Variants in VASH2 observed in about 807,000 individuals in gnomAD.
VASH2 encodes the protein tubulinyl-Tyr carboxypeptidase 2.
In VASH2, 28 loss-of-function variants were observed where a neutral mutation model predicts 37.2. That is an observed-to-expected ratio of 0.75 (90% confidence interval 0.56 to 1.03). The LOEUF is 1.03. Ranked by LOEUF, VASH2 falls within the 50% of genes least tolerant of loss-of-function variation. The probability of loss-of-function intolerance (pLI) is 0.00; values close to 1 mark genes in which losing one functional copy is unlikely to be tolerated. For synonymous variants in VASH2, 188 were observed against 174.7 expected (o/e 1.08, Z -0.60); for missense variants, 419 against 459.1 (o/e 0.91, Z 0.80).
chr1:212,958,537 T>A (rs954268847), intron 2 of VASH2, among the ~76,000 whole-genome samples: 1 of 152,146 alleles, frequency 6.6e-6, no homozygotes, highest in Non-Finnish European at 1.5e-5. Context: ...TTGAAATAAT[T>A]TGGTGGTCAG....
At chr1:212,953,699 G>A (rs1666394073) in intron 2 of VASH2, among the ~76,000 whole-genome samples, 1 of 152,076 alleles carries the variant, frequency 6.6e-6, no homozygotes. Flanking sequence ...TCTATAAAAT[G>A]GGAATAGACC....
rs1402176238 is a variant in VASH2 at position 212,951,467 on chromosome 1, G to T, written c.-76G>T. 1.1e-6 allele frequency: 1 copy of T among 930,352 alleles called. No homozygotes were observed. The highest frequency in any genetic ancestry group is 1.3e-6 in the Non-Finnish European group (1 of 758,162). 57.6% of individuals were successfully genotyped at this position (930,352 alleles called of 1,614,324 possible). ...GCTGATCCCCTCGCCGCGCCCGCGC[G>T]CACACGCCCCCCGCCGCCGCCGCCG... On this transcript the variant is annotated 5_prime_UTR_variant, in exon 2 of 8. Transcript: ENST00000517399. This position sits in a 1 kb window ranked among gnomAD's most constrained non-coding sequence, Gnocchi z 4.4.
At chr1:212,979,796 A>G (rs1191755404) in intron 7 of VASH2, among the ~76,000 whole-genome samples, 1 of 152,170 alleles carries the variant, frequency 6.6e-6, no homozygotes, top group Non-Finnish European at 1.5e-5. Context: ...GAGTGTGTAA[A>G]GCACCTACTA....
chr1:212,959,954 G>A lies in VASH2; in HGVS notation c.277-1212G>A, dbSNP rs1666621879. The stretch of plus-strand genomic sequence containing the variant: ...TCTCCTTCCCAGCAGCAGCACTGCC[G>A]GAGCCCCACCCACGTGGGCTGAGAT... On this transcript the variant is annotated intron_variant, in intron 2 of 7. Transcript: ENST00000517399. 1.3e-5 allele frequency among the ~76,000 whole-genome samples: 2 copies of A among 152,314 alleles called. 1 individual carries two copies. Among genetic ancestry groups the A allele is most frequent in the South Asian group, 4.1e-4 (2 of 4,824 alleles).
At chr1:212,954,541 C>T (rs1280857812) in intron 2 of VASH2, among the ~76,000 whole-genome samples, 2 of 152,274 alleles carry the variant, frequency 1.3e-5, no homozygotes, top group South Asian at 2.1e-4. Context: ...CTGCCTCAGC[C>T]TCCTGAGTAG....
At position 212,950,657 on chromosome 1, in the gene VASH2, C is replaced by G. The variant is rs1029730758; in HGVS notation, c.-288C>G. 6.3e-6 allele frequency: 1 copy of G among 157,676 alleles called. No individual in the cohort carries two copies. The highest frequency in any genetic ancestry group is 1.4e-5 in the Non-Finnish European group (1 of 71,674). 9.8% of individuals were successfully genotyped at this position (157,676 alleles called of 1,614,324 possible). A position where few individuals can be genotyped will look rare whatever the true frequency, so the allele number is the denominator to read the frequency against. On this transcript the variant is annotated 5_prime_UTR_variant, in exon 1 of 8. Transcript: ENST00000517399. This position sits in a 1 kb window ranked among gnomAD's most constrained non-coding sequence, Gnocchi z 5.5. ...CAAGCCCCAGCAGCCCCAGCCCCAG[C>G]CCCAGGCCCAGCAGCAGCAGCAGCA...
chr1:212,981,108 AAGG>A (rs1316220135), intron 7 of VASH2, among the ~76,000 whole-genome samples: 2 of 152,206 alleles, frequency 1.3e-5, no homozygotes, highest in African/African-American at 2.4e-5. Context: ...TTGTCCCGGA[AAGG>A]AGAAGTGACA....
At chr1:212,954,190 G>A (rs1024347511) in intron 2 of VASH2, among the ~76,000 whole-genome samples, 2 of 152,144 alleles carry the variant, frequency 1.3e-5, no homozygotes, top group Non-Finnish European at 2.9e-5. Flanking sequence ...TGGGATTACA[G>A]GTGTGAGCCA....
chr1:212,965,270 G>A (rs1291653626), intron 3 of VASH2, among the ~76,000 whole-genome samples: 1 of 152,168 alleles, frequency 6.6e-6, no homozygotes, highest in Admixed American at 6.5e-5. Flanking sequence ...TTCTAGCTAG[G>A]TATGGTGGTG....
chr1:212,966,897 T>TTTTG (rs74221538), intron 5 of VASH2: 17 of 365,410 alleles, frequency 4.7e-5, no homozygotes, highest in South Asian at 8.3e-5. Context: ...CCGGCTAATT[T>TTTTG]TTTGTTTGTT....
At position 212,979,136 on chromosome 1, in the gene VASH2, C is replaced by T. The variant is rs377149935; in HGVS notation, c.995+5066C>T. Among the ~76,000 whole-genome samples the T allele has an allele frequency of 3.0e-4, 45 of 152,300 alleles. No individual in the cohort carries two copies. The East Asian group carries it at 6.0e-3, about 20-fold the overall frequency. Reference sequence around the variant, plus strand: ...GCTTCCCTCTCTAGATTCCAGCTCCCGCCATTCTGCCACACTAGAACTCAG... The same window carrying T: ...GCTTCCCTCTCTAGATTCCAGCTCCTGCCATTCTGCCACACTAGAACTCAG... On this transcript the variant is annotated intron_variant, in intron 7 of 7. Coordinates refer to ENST00000517399, the MANE Select transcript of VASH2 (RefSeq NM_001301056.2).
chr1:212,972,636 A>G lies in VASH2; in HGVS notation c.554A>G (p.Tyr185Cys). Residue 185 changes from tyrosine to cysteine, a missense_variant, in exon 6 of 8, where the codon TAC (tyrosine) becomes TGC (cysteine). By Grantham distance (194) the Tyr-to-Cys change is radical. This residue lies in a region of VASH2 where 84 missense variants were observed against 129.9 expected (regional missense o/e 0.65). Coordinates refer to ENST00000517399, the MANE Select transcript of VASH2 (RefSeq NM_001301056.2). The part of the protein sequence containing the change: ...IERFPISFKT[Y>C]FSGNYFHHVV... ...CGGTTCCCCATCAGCTTTAAAACCT[A>G]CTTCTCAGGAAACTACTTTCACCAC... 1 of 1,614,104 alleles carries G rather than the reference A, an allele frequency of 6.2e-7. No homozygotes were observed. The highest frequency in any genetic ancestry group is 8.5e-7 in the Non-Finnish European group (1 of 1,180,012).
At chr1:212,967,346 G>A (rs978811348) in intron 5 of VASH2, 13 of 1,224,068 alleles carry the variant, frequency 1.1e-5, no homozygotes, top group Non-Finnish European at 1.2e-5. Context: ...TGTGGGGATA[G>A]ACCCAGGAAC....
rs1385992239 is a variant in VASH2 at position 212,951,494 on chromosome 1, T to C, written c.-49T>C. The C allele has an allele frequency of 9.2e-6, 11 of 1,191,936 alleles. No homozygotes were observed. The highest frequency in any genetic ancestry group is 8.0e-5 in the African/African-American group (5 of 62,236). The allele number at this position is 1,191,936 out of a possible 1,614,324, so 73.8% of individuals were successfully genotyped here. ...ACACGCCCCCCGCCGCCGCCGCCGC[T>C]GCCGCCGCCGCGCGCCCCCAGTACC... On this transcript the variant is annotated 5_prime_UTR_variant, in exon 2 of 8. Transcript: ENST00000517399. This position sits in a 1 kb window ranked among gnomAD's most constrained non-coding sequence, Gnocchi z 4.4.
intron 7 of VASH2, among the ~76,000 whole-genome samples, chr1:212,980,181 C>T (rs759380022): frequency 3.3e-5 from 5 of 152,216 alleles, no homozygotes; most frequent in Admixed American, 6.5e-5. Flanking sequence ...CAGCGCTCTC[C>T]GAGGTCCTTT....
chr1:212,970,758 C>T (rs1473703273), intron 5 of VASH2, among the ~76,000 whole-genome samples: 1 of 151,972 alleles, frequency 6.6e-6, no homozygotes, highest in East Asian at 1.9e-4. Flanking sequence ...GGTATGGTGG[C>T]GGGTGCCTGT....
chr1:212,953,349 T>A (rs1032121236), intron 2 of VASH2, among the ~76,000 whole-genome samples: 3 of 152,156 alleles, frequency 2.0e-5, no homozygotes, highest in African/African-American at 7.2e-5. Flanking sequence ...ATGGGGAGCT[T>A]GCTGCTTCCC....
At chr1:212,973,774 G>A in intron 6 of VASH2, 181 bp from the exon 7 acceptor site, 2 of 1,386,518 alleles carry the variant, frequency 1.4e-6, no homozygotes, top group Admixed American at 6.0e-5. Flanking sequence ...CTGCTTGACA[G>A]TACAGGACGA....
intron 5 of VASH2, 123 bp downstream of exon 5, chr1:212,966,468 G>A: frequency 2.5e-6 from 2 of 800,510 alleles, no homozygotes; most frequent in Admixed American, 2.2e-5. Flanking sequence ...TGAGGAAAGT[G>A]TCAAACTCCT....
Sources: gnomAD v4.1 joint callset for allele counts (sites outside exome capture counted in the v4.1 genomes callset) on GRCh38, gnomAD v4.1.1 for gene constraint, gnomAD v4.1.1 regional missense constraint, Gnocchi (gnomAD v3.1) non-coding constraint, MANE v1.5 for transcripts, NCBI Gene and HGNC (gene_info 2026-07-23, HGNC 2026-07-21) for gene names.